ZSCAN5C: variants seen among roughly 807,000 people sequenced by gnomAD.
ZSCAN5C encodes the protein zinc finger and SCAN domain-containing protein 5C.
A neutral mutation model predicts 17.3 loss-of-function variants in ZSCAN5C; 11 were observed. The observed-to-expected ratio is 0.64, with a 90% CI of 0.40 to 1.06. The LOEUF is 1.06. ZSCAN5C is among the 50% of genes least tolerant of loss of function. The pLI is 0.00. For missense variants in ZSCAN5C, 698 were observed against 538.9 expected, an observed-to-expected ratio of 1.30 and a Z score of -2.92; for synonymous variants, 229 against 208.4, an observed-to-expected ratio of 1.10 and a Z score of -0.85.
intron 2 of ZSCAN5C, among the ~76,000 whole-genome samples, chr19:56,206,612 A>G (rs1259148991): frequency 6.6e-6 from 1 of 151,834 alleles, no homozygotes; most frequent in Non-Finnish European, 1.5e-5. Context: ...GAGGGGGTAC[A>G]GGGACCCACA....
At chr19:56,206,870 A>T (rs111254240) in intron 2 of ZSCAN5C, among the ~76,000 whole-genome samples, 189 bp from the exon 3 acceptor site, 1 of 152,000 alleles carries the variant, frequency 6.6e-6, no homozygotes, top group South Asian at 2.1e-4. Flanking sequence ...AGACCCTTTC[A>T]TCTAAAGGAC....
downstream of ZSCAN5C, chr19:56,209,448 T>A (rs2032965229): frequency 2.5e-6 from 1 of 399,378 alleles, no homozygotes; most frequent in African/African-American, 2.1e-5. Flanking sequence ...ATCTTATTAG[T>A]TTTCAATATT....
chr19:56,206,092 A>G, exon 2 of ZSCAN5C: 1 of 1,609,228 alleles, frequency 6.2e-7, no homozygotes, highest in Non-Finnish European at 8.5e-7. Flanking sequence ...GACCCCATCC[A>G]GGCTCTGAGG....
exon 5 of ZSCAN5C, chr19:56,208,571 AGAG>A (rs1201423403): frequency 6.3e-7 from 1 of 1,592,940 alleles, no homozygotes; most frequent in Non-Finnish European, 8.6e-7. Context: ...CAGCGGGAGC[AGAG>A]GAGACGCTCT....
chr19:56,206,967 G>A (rs929653159), intron 2 of ZSCAN5C, 92 bp from the exon 3 acceptor site: 2 of 634,380 alleles, frequency 3.2e-6, no homozygotes, highest in Non-Finnish European at 5.7e-6. Context: ...ATTAATTACA[G>A]TAAAGTGTGA....
exon 5 of ZSCAN5C, chr19:56,208,947 C>A: frequency 1.2e-6 from 2 of 1,613,590 alleles, no homozygotes; most frequent in African/African-American, 1.3e-5. Flanking sequence ...AGGCCCTACA[C>A]GTGTGACATC....
intron 1 of ZSCAN5C, 104 bp downstream of exon 1, chr19:56,202,426 G>A (rs1033928931): frequency 9.3e-5 from 14 of 150,958 alleles, no homozygotes; most frequent in Admixed American, 3.3e-4. Context: ...GATTTGGGTT[G>A]GGGTGTTGGT....
downstream of ZSCAN5C, chr19:56,209,299 C>T (rs1050962536): frequency 3.4e-4 from 202 of 595,936 alleles, no homozygotes; most frequent in African/African-American, 1.1e-4. Context: ...GCGCCTGGCA[C>T]GCAGAGGAGT....
chr19:56,208,740 A>C (rs747023885), exon 5 of ZSCAN5C: 3 of 1,610,566 alleles, frequency 1.9e-6, no homozygotes, highest in Non-Finnish European at 2.5e-6. Context: ...CCAGTCAGTC[A>C]CCCCAGTGGC....
chr19:56,208,665 T>C (rs2032952835), exon 5 of ZSCAN5C: 4 of 1,612,458 alleles, frequency 2.5e-6, no homozygotes, highest in Non-Finnish European at 3.4e-6. Flanking sequence ...GCCACACCTG[T>C]GGGCAACAGA....
intron 1 of ZSCAN5C, among the ~76,000 whole-genome samples, chr19:56,204,571 G>T (rs2032901984): frequency 6.6e-6 from 1 of 151,710 alleles, no homozygotes; most frequent in Non-Finnish European, 1.5e-5. Flanking sequence ...CGCTCTGGAG[G>T]AGTTTGAGTT....
At chr19:56,208,176 A>G (rs117883767) in exon 4 of ZSCAN5C, 430 of 779,460 alleles carry the variant, frequency 5.5e-4, no homozygotes, top group Non-Finnish European at 7.1e-4. Flanking sequence ...CAGCTTCCAA[A>G]CAGTCCCAGT....
At chr19:56,207,306 G>A (rs745558361) in intron 3 of ZSCAN5C, 44 bp downstream of exon 3, 2 of 728,484 alleles carry the variant, frequency 2.7e-6, no homozygotes, top group East Asian at 2.5e-5. Flanking sequence ...GTGGGAGAAG[G>A]AACGGGAGGA....
At chr19:56,202,982 G>C (rs1277185296) in intron 1 of ZSCAN5C, among the ~76,000 whole-genome samples, 2 of 152,038 alleles carry the variant, frequency 1.3e-5, no homozygotes, top group Non-Finnish European at 2.9e-5. Context: ...TGGGGGTCCT[G>C]TGTGCTGTAT....
chr19:56,208,531 C>T (rs1312363173), exon 5 of ZSCAN5C: 9 of 1,587,360 alleles, frequency 5.7e-6, no homozygotes, highest in Non-Finnish European at 6.0e-6. Context: ...CACCTTCTGC[C>T]TGCGTTGTGG....
chr19:56,207,222 T>C (rs555178150), exon 3 of ZSCAN5C: 16 of 779,094 alleles, frequency 2.1e-5, no homozygotes, highest in South Asian at 1.9e-4. Flanking sequence ...AGCCAAGAGC[T>C]GCAGACCCTG....
At position 56,209,194 on chromosome 19, in the gene ZSCAN5C, AC is replaced by A; in HGVS notation, c.1486del (p.Gln496SerfsTer?). The A allele has an allele frequency of 1.3e-6, 1 of 789,988 alleles. No homozygotes were observed. The highest frequency in any genetic ancestry group is 2.2e-6 in the Non-Finnish European group (1 of 463,432). The allele number at this position is 789,988 out of a possible 1,614,324, so 48.9% of individuals were successfully genotyped here. ...AGAAAACACATCGAGAAGCCACTTC[AC>A]AGTGACTTCACCATCGGGTCTGTCT... On this transcript the variant is annotated frameshift_variant, in exon 5 of 5. Transcript: ENST00000534327. LOFTEE classifies it high-confidence loss of function.
chr19:56,205,748 T>C (rs1266658118), intron 1 of ZSCAN5C, 39 bp from the exon 2 acceptor site: 1 of 569,346 alleles, frequency 1.8e-6, no homozygotes, highest in East Asian at 2.8e-5. Context: ...GTGGGTAGAG[T>C]AGAAACTTTA....
In ZSCAN5C at chr19:56,208,721, C is replaced by G. The variant is rs752153895; in HGVS notation, c.1012C>G (p.Pro338Ala). 4 of 1,612,380 alleles carry G rather than the reference C, an allele frequency of 2.5e-6. No individual in the cohort carries two copies. In the South Asian group the frequency reaches 4.4e-5, roughly 18 times the overall value. Residue 338 changes from proline (P) to alanine (A), a missense_variant, in exon 5 of 5, where the codon CCT becomes GCT. Pro to Ala is a conservative substitution (Grantham distance 27). Coordinates refer to ENST00000534327, the Ensembl canonical transcript of ZSCAN5C. Reference sequence around the variant, plus strand: ...GATCAATCCAGTTCATTCCCCAGGCCCTGCGGGCCCAGTCAGTCACCCCAG... The same window carrying G: ...GATCAATCCAGTTCATTCCCCAGGCGCTGCGGGCCCAGTCAGTCACCCCAG...
Sources: allele counts gnomAD v4.1 joint callset (sites outside exome capture counted in the v4.1 genomes callset), GRCh38; gene constraint gnomAD v4.1.1; transcripts MANE v1.5; gene names NCBI Gene and HGNC (gene_info 2026-07-23, HGNC 2026-07-21).